Variants in LMNTD1 observed in about 807,000 individuals in gnomAD.
LMNTD1 encodes the protein lamin tail domain containing 1.
In LMNTD1, 35 loss-of-function variants were observed where a neutral mutation model predicts 50.9. That is an observed-to-expected ratio of 0.69 (90% CI 0.53 to 0.91). LMNTD1 has a LOEUF of 0.91. Among genes scored for constraint, LMNTD1 ranks in the 40% least tolerant of loss-of-function variants. The probability of loss-of-function intolerance (pLI) is 0.00; values close to 1 mark genes in which losing one functional copy is unlikely to be tolerated. For synonymous variants in LMNTD1, 153 were observed against 161.9 expected (o/e 0.94, Z 0.42); for missense variants, 470 against 475.5 (o/e 0.99, Z 0.11).
intron 1 of LMNTD1, among the ~76,000 whole-genome samples, chr12:25,558,366 T>C (rs1278714692): frequency 6.6e-6 from 1 of 152,216 alleles, no homozygotes; most frequent in African/African-American, 2.4e-5. Flanking sequence ...TCATCAGACC[T>C]GTTATTTGAA....
chr12:25,492,422 T>C (rs1938917311), intron 9 of LMNTD1, among the ~76,000 whole-genome samples: 1 of 152,194 alleles, frequency 6.6e-6, no homozygotes, highest in Admixed American at 6.5e-5. Flanking sequence ...TAGATTGATA[T>C]TGGCTTAACA....
At chr12:25,531,946 ATTTTTT>A (rs139427585) in intron 4 of LMNTD1, among the ~76,000 whole-genome samples, 1 of 151,910 alleles carries the variant, frequency 6.6e-6, no homozygotes, top group Non-Finnish European at 1.5e-5. Context: ...CCGTTACTGG[ATTTTTT>A]TTACTTCTAG....
chr12:25,583,819 A>G (rs1945409283), intron 1 of LMNTD1, among the ~76,000 whole-genome samples: 1 of 152,186 alleles, frequency 6.6e-6, no homozygotes, highest in African/African-American at 2.4e-5. Flanking sequence ...TTATCAGTAC[A>G]GGGGGAGGAC....
intron 1 of LMNTD1, among the ~76,000 whole-genome samples, chr12:25,629,476 C>T (rs1403823195): frequency 6.6e-6 from 1 of 152,102 alleles, no homozygotes; most frequent in Non-Finnish European, 1.5e-5. Context: ...AGTTTCATAC[C>T]AAGAGAAACA....
chr12:25,615,801 G>T (rs887643402), intron 1 of LMNTD1, among the ~76,000 whole-genome samples: 4 of 152,160 alleles, frequency 2.6e-5, no homozygotes, highest in Non-Finnish European at 4.4e-5. Flanking sequence ...AACTTGAGTT[G>T]TCATAACAAA....
intron 1 of LMNTD1, among the ~76,000 whole-genome samples, chr12:25,579,501 C>G (rs1945183897): frequency 6.6e-6 from 1 of 152,162 alleles, no homozygotes; most frequent in African/African-American, 2.4e-5. Context: ...CAAAAGATGA[C>G]TATACAAGGC....
At chr12:25,552,745 T>C in intron 2 of LMNTD1, 126 bp downstream of exon 2, 1 of 634,278 alleles carries the variant, frequency 1.6e-6, no homozygotes, top group Non-Finnish European at 2.8e-6. Flanking sequence ...TCTAGAAAAT[T>C]TGTGAGATAT....
chr12:25,498,981 T>C (rs914517190), intron 9 of LMNTD1, among the ~76,000 whole-genome samples: 2 of 152,186 alleles, frequency 1.3e-5, no homozygotes, highest in Non-Finnish European at 2.9e-5. Context: ...GTTCAGAGTC[T>C]TTCCATTCAT....
intron 1 of LMNTD1, among the ~76,000 whole-genome samples, chr12:25,559,549 G>C (rs1298282878): frequency 1.3e-5 from 2 of 152,124 alleles, no homozygotes; most frequent in Admixed American, 6.5e-5. Context: ...ATAATCCTTT[G>C]GTTATATGTC....
chr12:25,546,185 GT>G (rs1317345672), intron 4 of LMNTD1, among the ~76,000 whole-genome samples, 188 bp downstream of exon 4: 2 of 151,540 alleles, frequency 1.3e-5, no homozygotes, highest in Admixed American at 1.3e-4. Context: ...CACATTTCTT[GT>G]TTGGTTCTTT....
chr12:25,528,249 G>C (rs60383243), intron 4 of LMNTD1, among the ~76,000 whole-genome samples: 23,146 of 152,128 alleles, frequency 0.15, 1,897 homozygotes, highest in African/African-American at 0.2. Context: ...AAACAACTCA[G>C]ACAGGTAGTA....
intron 4 of LMNTD1, among the ~76,000 whole-genome samples, chr12:25,534,207 G>A (rs562291594): frequency 6.7e-4 from 102 of 152,164 alleles, no homozygotes; most frequent in Non-Finnish European, 1.2e-3. Context: ...GTGGTAGTAG[G>A]AAAGAAACAA....
intron 2 of LMNTD1, 55 bp downstream of exon 2, chr12:25,552,816 T>A (rs1281309304): frequency 9.5e-7 from 1 of 1,047,784 alleles, no homozygotes; most frequent in Non-Finnish European, 1.5e-6. Context: ...ATGCCATCAT[T>A]CCTCCTCTAT....
intron 9 of LMNTD1, among the ~76,000 whole-genome samples, chr12:25,486,306 T>C (rs931984362): frequency 2.7e-5 from 4 of 150,524 alleles, no homozygotes; most frequent in African/African-American, 9.8e-5. Flanking sequence ...GGCTCTCTGT[T>C]TGTCTGTTGT....
chr12:25,567,009 T>C (rs1382067480), intron 1 of LMNTD1, among the ~76,000 whole-genome samples: 1 of 152,186 alleles, frequency 6.6e-6, no homozygotes, highest in African/African-American at 2.4e-5. Flanking sequence ...TTATGTCTTT[T>C]GTAAGTGCAG....
intron 9 of LMNTD1, among the ~76,000 whole-genome samples, chr12:25,495,249 C>CGCGTGTGTGTGT (rs1555208226): frequency 2.1e-4 from 30 of 144,768 alleles, no homozygotes; most frequent in Admixed American, 2.8e-4. Context: ...AAAGTGTGTA[C>CGCGTGTGTGTGT]GTGTGTGTGT....
chr12:25,517,011 C>T, intron 8 of LMNTD1, among the ~76,000 whole-genome samples: 1 of 142,004 alleles, frequency 7.0e-6, no homozygotes, highest in Non-Finnish European at 1.5e-5. Context: ...CAATGAGATA[C>T]CATCTCACAC....
chr12:25,508,793 C>T (rs924520214), intron 8 of LMNTD1, among the ~76,000 whole-genome samples: 15 of 152,248 alleles, frequency 9.9e-5, no homozygotes, highest in African/African-American at 2.9e-4. Context: ...AAAAATCTTT[C>T]GCCACTGCAC....
intron 1 of LMNTD1, among the ~76,000 whole-genome samples, chr12:25,581,957 T>A (rs1181174022): frequency 6.6e-6 from 1 of 152,256 alleles, no homozygotes; most frequent in East Asian, 1.9e-4. Flanking sequence ...TCGAAAGATC[T>A]TTATGCAGGA....
Sources: allele counts gnomAD v4.1 joint callset (sites outside exome capture counted in the v4.1 genomes callset), GRCh38; gene constraint gnomAD v4.1.1; transcripts MANE v1.5; gene names NCBI Gene and HGNC (gene_info 2026-07-23, HGNC 2026-07-21).